The following ENTREP2 variants were observed in gnomAD, a reference collection of about 807,000 sequenced individuals.
ENTREP2 encodes endosomal transmembrane epsin interactor 2.
At chr15:29,653,679 C>G in the ENTREP2 span, among the ~76,000 whole-genome samples, 1 of 152,242 alleles carries the variant, frequency 6.6e-6, no homozygotes, top group South Asian at 2.1e-4. Flanking sequence ...GCCTCCCCAG[C>G]CATGCTGAAC....
the ENTREP2 span, among the ~76,000 whole-genome samples, chr15:29,133,476 C>T: frequency 3.3e-5 from 5 of 152,152 alleles, no homozygotes; most frequent in African/African-American, 4.8e-5. Context: ...GCGCACGTGC[C>T]GTCCACTCCT....
the ENTREP2 span, among the ~76,000 whole-genome samples, chr15:29,309,934 G>A: frequency 6.6e-6 from 1 of 152,168 alleles, no homozygotes; most frequent in Non-Finnish European, 1.5e-5. Context: ...GCATAGGACT[G>A]AGACTGTCAG....
At chr15:29,158,365 C>T in the ENTREP2 span, among the ~76,000 whole-genome samples, 2 of 148,406 alleles carry the variant, frequency 1.3e-5, no homozygotes, top group African/African-American at 2.5e-5. Flanking sequence ...TTATGTGTTT[C>T]TTCAGAATTC....
At chr15:29,300,265 T>TG in the ENTREP2 span, among the ~76,000 whole-genome samples, 1 of 132,580 alleles carries the variant, frequency 7.5e-6, no homozygotes, top group African/African-American at 3.0e-5. Flanking sequence ...GATGGACGGA[T>TG]GAATGGGTAG....
At chr15:29,349,542 G>C in the ENTREP2 span, among the ~76,000 whole-genome samples, 1 of 152,172 alleles carries the variant, frequency 6.6e-6, no homozygotes, top group South Asian at 2.1e-4. Context: ...CCAGAAATAG[G>C]AAGAAGGCAG....
chr15:29,432,446 C>T, the ENTREP2 span, among the ~76,000 whole-genome samples: 6 of 152,198 alleles, frequency 3.9e-5, no homozygotes, highest in East Asian at 1.2e-3. Context: ...ACGTCATCTC[C>T]TCCCAGTGGC....
At chr15:29,579,744 T>G in the ENTREP2 span, among the ~76,000 whole-genome samples, 1 of 127,068 alleles carries the variant, frequency 7.9e-6, no homozygotes. Context: ...GGAGTCTCAC[T>G]CTGTCGCCCA....
the ENTREP2 span, among the ~76,000 whole-genome samples, chr15:29,309,506 A>G: frequency 1.2e-3 from 185 of 152,016 alleles, 1 homozygote; most frequent in East Asian, 0.032. Flanking sequence ...TGGGCCAAGC[A>G]CGGTGGCTCA....
At chr15:29,635,626 T>A in the ENTREP2 span, among the ~76,000 whole-genome samples, 1 of 151,924 alleles carries the variant, frequency 6.6e-6, no homozygotes, top group African/African-American at 2.4e-5. Context: ...ACCTAGGGGG[T>A]CCACGGAAAC....
chr15:29,382,796 T>C, the ENTREP2 span, among the ~76,000 whole-genome samples: 2 of 152,008 alleles, frequency 1.3e-5, no homozygotes, highest in Admixed American at 1.3e-4. Context: ...GATTTCCTGG[T>C]GTCCAGGAAG....
At chr15:29,258,212 C>CA in the ENTREP2 span, among the ~76,000 whole-genome samples, 2,661 of 118,190 alleles carry the variant, frequency 0.023, 120 homozygotes, top group African/African-American at 0.073. Context: ...GGCTCAGTCT[C>CA]AAAAAAAAAA....
At chr15:29,630,143 A>AT in the ENTREP2 span, among the ~76,000 whole-genome samples, 1 of 152,040 alleles carries the variant, frequency 6.6e-6, no homozygotes, top group Non-Finnish European at 1.5e-5. Flanking sequence ...AATAAATAAA[A>AT]TTTTTAAAAA....
the ENTREP2 span, among the ~76,000 whole-genome samples, chr15:29,657,204 C>A: frequency 1.3e-5 from 2 of 150,810 alleles, no homozygotes; most frequent in Non-Finnish European, 2.9e-5. Context: ...CCCACCACCA[C>A]GCCGCGCCAG....
chr15:29,170,775 C>T, the ENTREP2 span, among the ~76,000 whole-genome samples: 4 of 152,252 alleles, frequency 2.6e-5, no homozygotes, highest in Non-Finnish European at 4.4e-5. Context: ...TCTCAGACTT[C>T]TAGCCTCCTG....
the ENTREP2 span, among the ~76,000 whole-genome samples, chr15:29,263,068 C>A: frequency 6.6e-6 from 1 of 152,130 alleles, no homozygotes; most frequent in Non-Finnish European, 1.5e-5. Context: ...AATCAAAGGA[C>A]AATACTAAGA....
At chr15:29,137,370 C>T in the ENTREP2 span, among the ~76,000 whole-genome samples, 1 of 152,198 alleles carries the variant, frequency 6.6e-6, no homozygotes, top group African/African-American at 2.4e-5. Flanking sequence ...AACGCCTCGT[C>T]TCAGAAGTCT....
the ENTREP2 span, among the ~76,000 whole-genome samples, chr15:29,214,879 T>C: frequency 1.3e-5 from 2 of 152,194 alleles, no homozygotes; most frequent in African/African-American, 4.8e-5. Context: ...TTGGAGAAAG[T>C]TCCACTTGCT....
the ENTREP2 span, among the ~76,000 whole-genome samples, chr15:29,644,828 G>A: frequency 6.3e-4 from 84 of 133,464 alleles, no homozygotes; most frequent in Middle Eastern, 3.8e-3. Context: ...AAAAAAAAAA[G>A]AAAAAAAAAG....
chr15:29,268,878 C>T, the ENTREP2 span: 1 of 1,614,134 alleles, frequency 6.2e-7, no homozygotes, highest in Non-Finnish European at 8.5e-7. Context: ...CTGGCCAGTC[C>T]TTGGGGTCTT....
Sources: allele counts gnomAD v4.1 joint callset (sites outside exome capture counted in the v4.1 genomes callset), GRCh38; gene constraint gnomAD v4.1.1; transcripts MANE v1.5; gene names NCBI Gene and HGNC (gene_info 2026-07-23, HGNC 2026-07-21).